HACL2: variants seen among roughly 807,000 people sequenced by gnomAD.
The protein encoded by HACL2 is 2-hydroxyacyl-CoA lyase 1 like.
At chr19:15,119,540 G>A in the HACL2 span, 3 of 1,586,298 alleles carry the variant, frequency 1.9e-6, no homozygotes, top group Non-Finnish European at 2.6e-6. Flanking sequence ...GGGGATCAAA[G>A]GGCTGTCTTT....
At chr19:15,125,156 G>A in the HACL2 span, 7 of 1,302,690 alleles carry the variant, frequency 5.4e-6, no homozygotes, top group African/African-American at 1.5e-5. Flanking sequence ...GCAGGATCCA[G>A]GGCCACGACC....
chr19:15,116,195 G>GGCA, the HACL2 span: 1 of 1,613,752 alleles, frequency 6.2e-7, no homozygotes, highest in South Asian at 1.1e-5. Context: ...GTACCAGATG[G>GGCA]GCAGCAGTGC....
At chr19:15,125,226 G>T in the HACL2 span, 14 of 733,694 alleles carry the variant, frequency 1.9e-5, no homozygotes, top group Non-Finnish European at 2.9e-5. Context: ...CCCTTTGTGC[G>T]CCTAGGCTCG....
the HACL2 span, chr19:15,119,316 C>T: frequency 1.4e-5 from 22 of 1,602,658 alleles, no homozygotes; most frequent in African/African-American, 2.8e-4. Context: ...GGAGTCCAGG[C>T]AGAGCAGAGG....
the HACL2 span, among the ~76,000 whole-genome samples, chr19:15,121,208 A>G: frequency 3.9e-5 from 6 of 152,056 alleles, no homozygotes. Flanking sequence ...GCAGTGAGCC[A>G]AGATCGCACT....
the HACL2 span, chr19:15,122,708 C>A: frequency 4.3e-6 from 7 of 1,613,968 alleles, no homozygotes; most frequent in Non-Finnish European, 5.9e-6. This position sits in a 1 kb window ranked among gnomAD's most constrained non-coding sequence, Gnocchi z 4.0. Flanking sequence ...GACCACTCGG[C>A]CCACGAGGCC....
At chr19:15,119,840 C>T in the HACL2 span, 418 of 624,294 alleles carry the variant, frequency 6.7e-4, 1 homozygote, top group African/African-American at 6.2e-3. Flanking sequence ...TGTGAGCCAC[C>T]GCGTCCAGCC....
the HACL2 span, chr19:15,115,362 C>T: frequency 1.2e-6 from 2 of 1,614,158 alleles, no homozygotes; most frequent in Non-Finnish European, 1.7e-6. Flanking sequence ...ACCTTGACCA[C>T]CTGATCCTCG....
chr19:15,116,830 A>G, the HACL2 span: 7 of 377,968 alleles, frequency 1.9e-5, no homozygotes. Context: ...ACACTCAATG[A>G]AAAGAGCTAC....
chr19:15,123,101 C>T, the HACL2 span: 3 of 1,613,230 alleles, frequency 1.9e-6, no homozygotes, highest in South Asian at 3.3e-5. This position sits in a 1 kb window ranked among gnomAD's most constrained non-coding sequence, Gnocchi z 5.1. Context: ...CCACTGGCCC[C>T]CAAGGACTGG....
the HACL2 span, chr19:15,119,117 G>A: frequency 6.6e-7 from 1 of 1,517,654 alleles, no homozygotes; most frequent in South Asian, 1.3e-5. Flanking sequence ...GGGTAACAGG[G>A]TGAGGGGGTT....
the HACL2 span, chr19:15,122,625 G>A: frequency 4.6e-6 from 6 of 1,299,852 alleles, no homozygotes; most frequent in Non-Finnish European, 6.7e-6. The surrounding 1 kb of genome is among the most constrained non-coding windows in gnomAD (Gnocchi z 4.0). Flanking sequence ...AGGAGGATGG[G>A]TGTGGGCTGG....
At chr19:15,117,724 G>C in the HACL2 span, 37 of 704,396 alleles carry the variant, frequency 5.3e-5, no homozygotes, top group Non-Finnish European at 7.1e-6. Flanking sequence ...GCATTCATCA[G>C]TTTGAGAGCC....
the HACL2 span, chr19:15,123,079 C>T: frequency 4.3e-6 from 7 of 1,611,308 alleles, no homozygotes; most frequent in Non-Finnish European, 8.5e-7. This position sits in a 1 kb window ranked among gnomAD's most constrained non-coding sequence, Gnocchi z 5.1. Context: ...CCCTTCAAGC[C>T]CCCCTAGGCC....
the HACL2 span, chr19:15,116,186 T>C: frequency 6.2e-7 from 1 of 1,613,780 alleles, no homozygotes; most frequent in South Asian, 1.1e-5. Context: ...CGCGGGGCTG[T>C]ACCAGATGGG....
chr19:15,117,845 GAGCAC>G, the HACL2 span: 9 of 1,611,578 alleles, frequency 5.6e-6, no homozygotes, highest in Non-Finnish European at 5.1e-6. Flanking sequence ...GGACTGGGAG[GAGCAC>G]ATATGTGTAC....
the HACL2 span, chr19:15,125,353 A>G: frequency 8.9e-6 from 4 of 448,316 alleles, no homozygotes; most frequent in Non-Finnish European, 1.6e-5. Flanking sequence ...TGGCGACGAC[A>G]GCACCACACA....
the HACL2 span, chr19:15,125,047 C>G: frequency 6.4e-7 from 1 of 1,553,590 alleles, no homozygotes; most frequent in Non-Finnish European, 8.7e-7. Context: ...GCGGCGGCCG[C>G]GGGGGTCTCC....
chr19:15,115,342 A>G, the HACL2 span: 9 of 1,614,120 alleles, frequency 5.6e-6, no homozygotes, highest in Non-Finnish European at 7.6e-6. Context: ...GCTGCTGGGC[A>G]TCGTGCAGCA....
Sources: allele counts gnomAD v4.1 joint callset (sites outside exome capture counted in the v4.1 genomes callset), GRCh38; gene constraint gnomAD v4.1.1; non-coding constraint Gnocchi (gnomAD v3.1); transcripts MANE v1.5; gene names NCBI Gene and HGNC (gene_info 2026-07-23, HGNC 2026-07-21).